The following GRK3 variants were observed in gnomAD, a reference collection of about 807,000 sequenced individuals.
GRK3 encodes G protein-coupled receptor kinase 3.
Under a neutral mutation model 95.7 loss-of-function variants are expected in GRK3, and 54 were observed. The ratio of observed to expected loss-of-function variants is 0.56; its 90% CI spans 0.45 to 0.71. The LOEUF (loss-of-function observed/expected upper bound fraction) is 0.71, where lower values mean the gene tolerates loss of function less well. Among genes scored for constraint, GRK3 ranks in the 30% least tolerant of loss-of-function variants. GRK3 has a pLI of 0.00. For synonymous variants in GRK3, 281 were observed against 290.8 expected (o/e 0.97, Z 0.34); for missense variants, 649 against 851.2 (o/e 0.76, Z 2.96).
chr22:25,565,155 T>C lies in GRK3; in HGVS notation c.113+2T>C. On this transcript the variant is annotated splice_donor_variant, in intron 1 of 20. Transcript: ENST00000324198. LOFTEE classifies it high-confidence loss of function. ...GAGGATCGTCCTGCCGGAGCCCAGG[T>C]ACCAGCTGCCCCGGCCGGCGCCGGC... 1 of 1,496,570 alleles carries C rather than the reference T, an allele frequency of 6.7e-7. No homozygotes were observed. Among genetic ancestry groups the C allele is most frequent in the Non-Finnish European group, 8.9e-7 (1 of 1,119,266 alleles). 92.7% of individuals were successfully genotyped at this position (1,496,570 alleles called of 1,614,324 possible). A position where few individuals can be genotyped will look rare whatever the true frequency, so the allele number is the denominator to read the frequency against.
chr22:25,626,321 A>G (rs1426333047), intron 2 of GRK3, among the ~76,000 whole-genome samples: 2 of 152,122 alleles, frequency 1.3e-5, no homozygotes, highest in African/African-American at 4.8e-5. Flanking sequence ...CACTGTTGGG[A>G]TGGGTGATAG....
Position 25,727,806 on chromosome 22 carries a change from T to TA in GRK3, c.*5357dup, listed in dbSNP as rs527893045. 78 of 152,326 alleles carry TA rather than the reference T, an allele frequency of 5.1e-4. 1 individual carries two copies. In the East Asian group the frequency reaches 0.013, roughly 26 times the overall value. 9.4% of individuals were successfully genotyped at this position (152,326 alleles called of 1,614,324 possible). A position where few individuals can be genotyped will look rare whatever the true frequency, so the allele number is the denominator to read the frequency against. On this transcript the variant is annotated 3_prime_UTR_variant, in exon 21 of 21. Coordinates refer to ENST00000324198, the MANE Select transcript of GRK3 (RefSeq NM_005160.4). Reference sequence around the variant, plus strand: ...AATATTTTCAATTGTGTATTTGTATTACAAAGAACTTGAAATTTACTTTCT... The same window carrying TA: ...AATATTTTCAATTGTGTATTTGTATTAACAAAGAACTTGAAATTTACTTTCT...
At position 25,725,203 on chromosome 22, in the gene GRK3, A is replaced by C. The variant is rs1025004306; in HGVS notation, c.*2753A>C. On this transcript the variant is annotated 3_prime_UTR_variant, in exon 21 of 21. Coordinates refer to ENST00000324198, the MANE Select transcript of GRK3 (RefSeq NM_005160.4). ...ATTCCTAGATGTTCACCCTTATTACACTCCAACTATTAAAAAGGTCAAAAT... is the reference window on the plus strand; with the variant it reads ...ATTCCTAGATGTTCACCCTTATTACCCTCCAACTATTAAAAAGGTCAAAAT... 2 of 185,570 alleles carry C rather than the reference A, an allele frequency of 1.1e-5. No individual in the cohort carries two copies. Among genetic ancestry groups the C allele is most frequent in the Non-Finnish European group, 2.2e-5 (2 of 90,716 alleles). 11.5% of individuals were successfully genotyped at this position (185,570 alleles called of 1,614,324 possible).
intron 15 of GRK3, among the ~76,000 whole-genome samples, chr22:25,704,838 C>T (rs1240051660): frequency 6.6e-6 from 1 of 152,140 alleles, no homozygotes; most frequent in Non-Finnish European, 1.5e-5. Flanking sequence ...ATCAGTTTCT[C>T]ACATATTTCT....
At chr22:25,640,469 A>G (rs931578201) in intron 2 of GRK3, among the ~76,000 whole-genome samples, 4 of 152,238 alleles carry the variant, frequency 2.6e-5, no homozygotes, top group Non-Finnish European at 5.9e-5. Context: ...GGCTCTTAGT[A>G]GATACTCAGT....
chr22:25,630,852 G>A (rs1460237477), intron 2 of GRK3, among the ~76,000 whole-genome samples: 1 of 152,198 alleles, frequency 6.6e-6, no homozygotes, highest in African/African-American at 2.4e-5. Context: ...GCAGGATGGA[G>A]AACTTGGGTT....
chr22:25,660,115 C>T (rs1366227020), intron 3 of GRK3, among the ~76,000 whole-genome samples: 1 of 152,130 alleles, frequency 6.6e-6, no homozygotes, highest in Non-Finnish European at 1.5e-5. Context: ...TTTGGATTTG[C>T]CTAAAGCAAA....
chr22:25,620,629 A>G (rs1035574315), intron 2 of GRK3, among the ~76,000 whole-genome samples: 4 of 152,166 alleles, frequency 2.6e-5, no homozygotes, highest in African/African-American at 9.7e-5. Context: ...ACGCCCCACT[A>G]GCTGCTGTTA....
intron 3 of GRK3, among the ~76,000 whole-genome samples, chr22:25,652,356 G>A (rs918282852): frequency 6.6e-6 from 1 of 152,168 alleles, no homozygotes; most frequent in Non-Finnish European, 1.5e-5. Context: ...GCGTGAACCC[G>A]GGAGGCGGAG....
chr22:25,692,543 G>A (rs1228176352), intron 12 of GRK3, among the ~76,000 whole-genome samples: 6 of 152,232 alleles, frequency 3.9e-5, no homozygotes, highest in African/African-American at 1.2e-4. Context: ...CGAACGAGCA[G>A]CCCTGAGAAC....
intron 11 of GRK3, among the ~76,000 whole-genome samples, chr22:25,689,718 G>C (rs889217172): frequency 7.9e-5 from 12 of 152,142 alleles, no homozygotes; most frequent in Non-Finnish European, 1.3e-4. Flanking sequence ...TATTTTGATT[G>C]CTTAGGTCAG....
At chr22:25,688,191 G>A (rs1230783438) in intron 11 of GRK3, among the ~76,000 whole-genome samples, 1 of 141,382 alleles carries the variant, frequency 7.1e-6, no homozygotes, top group Non-Finnish European at 1.5e-5. Context: ...AGCTGAGATT[G>A]CACCACTGCA....
chr22:25,728,079 A>C lies in GRK3; in HGVS notation c.*5629A>C, dbSNP rs913829475. The C allele has an allele frequency of 6.6e-6, 1 of 152,162 alleles. No individual in the cohort carries two copies. The highest frequency in any genetic ancestry group is 2.4e-5 in the African/African-American group (1 of 41,444). The allele number at this position is 152,162 out of a possible 1,614,324, so 9.4% of individuals were successfully genotyped here. ...GTTTTCGTCAAAAACATTCCATATT[A>C]TTTCTGCTCCTTTTTATTTGTATAG... On this transcript the variant is annotated 3_prime_UTR_variant, in exon 21 of 21. Coordinates refer to ENST00000324198, the MANE Select transcript of GRK3 (RefSeq NM_005160.4).
At chr22:25,681,498 T>C (rs1392582075) in intron 9 of GRK3, among the ~76,000 whole-genome samples, 1 of 149,366 alleles carries the variant, frequency 6.7e-6, no homozygotes, top group Non-Finnish European at 1.5e-5. Flanking sequence ...GGGTCTGCGG[T>C]GGTGGGGGGA....
chr22:25,630,533 G>T lies in GRK3; in HGVS notation c.191-14059G>T, dbSNP rs191103052. Reference sequence around the variant, plus strand: ...TTTACTTTTCTGTCATTATATAATGGTTTTAAAAGGCTGAAAGCAATCCAG... The same window carrying T: ...TTTACTTTTCTGTCATTATATAATGTTTTTAAAAGGCTGAAAGCAATCCAG... On this transcript the variant is annotated intron_variant, in intron 2 of 20. Coordinates refer to ENST00000324198, the MANE Select transcript of GRK3 (RefSeq NM_005160.4). 1.5e-3 allele frequency among the ~76,000 whole-genome samples: 232 copies of T among 152,230 alleles called. 3 individuals are homozygous for T. Among genetic ancestry groups the T allele is most frequent in the African/African-American group, 5.0e-3 (207 of 41,534 alleles).
intron 3 of GRK3, among the ~76,000 whole-genome samples, chr22:25,650,197 A>T (rs2084819597): frequency 6.6e-6 from 1 of 152,082 alleles, no homozygotes; most frequent in South Asian, 2.1e-4. Flanking sequence ...ACCCGCCACC[A>T]CACCTGGCTA....
At chr22:25,681,424 A>G (rs988237232) in intron 9 of GRK3, among the ~76,000 whole-genome samples, 1 of 151,246 alleles carries the variant, frequency 6.6e-6, no homozygotes, top group Non-Finnish European at 1.5e-5. Flanking sequence ...CCTGGAGAGG[A>G]GCCAGTGCAC....
intron 1 of GRK3, among the ~76,000 whole-genome samples, chr22:25,592,036 T>A (rs1393436377): frequency 6.6e-6 from 1 of 152,216 alleles, no homozygotes; most frequent in African/African-American, 2.4e-5. Flanking sequence ...AGGTGTAGTT[T>A]AACTTTACTC....
At chr22:25,617,933 C>T (rs368842862) in intron 2 of GRK3, among the ~76,000 whole-genome samples, 25 of 152,272 alleles carry the variant, frequency 1.6e-4, no homozygotes, top group South Asian at 4.1e-4. Flanking sequence ...CTTGCCACCA[C>T]GCCTGGCTAA....
Sources: allele counts gnomAD v4.1 joint callset (sites outside exome capture counted in the v4.1 genomes callset), GRCh38; gene constraint gnomAD v4.1.1; transcripts MANE v1.5; gene names NCBI Gene and HGNC (gene_info 2026-07-23, HGNC 2026-07-21).